NUDT5: variants seen among roughly 807,000 people sequenced by gnomAD.
NUDT5 encodes ADP-sugar pyrophosphatase.
A neutral mutation model predicts 34.1 loss-of-function variants in NUDT5; 21 were observed. That is an observed-to-expected ratio of 0.62 (90% confidence interval 0.44 to 0.89). The LOEUF is 0.89. Among genes scored for constraint, NUDT5 ranks in the 40% least tolerant of loss-of-function variants. The probability of loss-of-function intolerance (pLI) is 0.00; values close to 1 mark genes in which losing one functional copy is unlikely to be tolerated. For missense variants in NUDT5, 249 were observed against 274.8 expected, an observed-to-expected ratio of 0.91 and a Z score of 0.66; for synonymous variants, 85 against 97.6, an observed-to-expected ratio of 0.87 and a Z score of 0.76.
chr10:12,170,282 A>G lies in NUDT5; in HGVS notation c.550+435T>C. 5 of 1,259,798 alleles carry G rather than the reference A, an allele frequency of 4.0e-6. No homozygotes were observed. Among genetic ancestry groups the G allele is most frequent in the Non-Finnish European group, 5.7e-6 (5 of 870,732 alleles). 78.0% of individuals were successfully genotyped at this position (1,259,798 alleles called of 1,614,324 possible). On this transcript the variant is annotated intron_variant, in intron 9 of 9. Coordinates refer to ENST00000491614, the MANE Select transcript of NUDT5 (RefSeq NM_014142.4). This position sits in a 1 kb window ranked among gnomAD's most constrained non-coding sequence, Gnocchi z 4.9. Reference sequence around the variant, plus strand: ...CACGGAGTATACAGGAAATACCTCAAGTATTTGTTGAAGGAGCATCATCAA... The same window carrying G: ...CACGGAGTATACAGGAAATACCTCAGGTATTTGTTGAAGGAGCATCATCAA...
At chr10:12,167,888 C>T in intron 9 of NUDT5, 77 bp from the exon 10 acceptor site, 2 of 1,590,892 alleles carry the variant, frequency 1.3e-6, no homozygotes, top group South Asian at 2.3e-5. Flanking sequence ...AGTGTTTGCG[C>T]AGCAGGTACT....
In NUDT5 at chr10:12,170,874, C is replaced by T. The variant is rs560725377; in HGVS notation, c.496+26G>A. 185 of 1,613,880 alleles carry T rather than the reference C, an allele frequency of 1.1e-4. No homozygotes were observed. The highest frequency in any genetic ancestry group is 5.5e-4 in the South Asian group (50 of 91,030). ...ACCACTACACTAAGTCATACACGCT[C>T]GGCCACCAGGAGTTGCAGAACATAC... On this transcript the variant is annotated intron_variant, in intron 8 of 9. Coordinates refer to ENST00000491614, the MANE Select transcript of NUDT5 (RefSeq NM_014142.4). The surrounding 1 kb of genome is among the most constrained non-coding windows in gnomAD (Gnocchi z 4.9).
intron 3 of NUDT5, among the ~76,000 whole-genome samples, chr10:12,180,865 C>T (rs1158856875): frequency 6.6e-6 from 1 of 152,214 alleles, no homozygotes. Context: ...TGTTGGCCTT[C>T]CTCCCTCTAG....
chr10:12,192,715 G>A (rs1835254012), intron 1 of NUDT5, among the ~76,000 whole-genome samples: 1 of 152,072 alleles, frequency 6.6e-6, no homozygotes. Context: ...GCTGGGTGAG[G>A]TGGCACACGC....
At position 12,168,299 on chromosome 10, in the gene NUDT5, C is replaced by T. The variant is rs1275900009; in HGVS notation, c.551-488G>A. Among the ~76,000 whole-genome samples the T allele has an allele frequency of 6.6e-6, 1 of 152,208 alleles. No homozygotes were observed. The highest frequency in any genetic ancestry group is 1.5e-5 in the Non-Finnish European group (1 of 68,044). ...TCAGCCTCCCAAAGTGCTGGGATTA[C>T]AGGCGTGAGCTACCGCACCCAGCCA... On this transcript the variant is annotated intron_variant, in intron 9 of 9. Coordinates refer to ENST00000491614, the MANE Select transcript of NUDT5 (RefSeq NM_014142.4). This position sits in a 1 kb window ranked among gnomAD's most constrained non-coding sequence, Gnocchi z 4.8.
At position 12,173,333 on chromosome 10, in the gene NUDT5, C is replaced by T. The variant is rs192298918; in HGVS notation, c.385+385G>A. 3.0e-4 allele frequency among the ~76,000 whole-genome samples: 45 copies of T among 152,172 alleles called. No homozygotes were observed. The East Asian group carries it at 4.6e-3, about 16-fold the overall frequency. Reference sequence around the variant, plus strand: ...GTTCAATTCTCCTGCCTCAGCCTCCCGAGTAGCTGGGATCACAGGTGTGCG... The same window carrying T: ...GTTCAATTCTCCTGCCTCAGCCTCCTGAGTAGCTGGGATCACAGGTGTGCG... On this transcript the variant is annotated intron_variant, in intron 6 of 9. Coordinates refer to ENST00000491614, the MANE Select transcript of NUDT5 (RefSeq NM_014142.4). The surrounding 1 kb of genome is among the most constrained non-coding windows in gnomAD (Gnocchi z 4.7).
chr10:12,170,256 A>T lies in NUDT5; in HGVS notation c.550+461T>A. On this transcript the variant is annotated intron_variant, in intron 9 of 9. Transcript: ENST00000491614. The surrounding 1 kb of genome is among the most constrained non-coding windows in gnomAD (Gnocchi z 4.9). ...TGGTTTATTATGTGAAAAGCATATC[A>T]CACGGAGTATACAGGAAATACCTCA... 1 of 1,485,480 alleles carries T rather than the reference A, an allele frequency of 6.7e-7. No individual in the cohort carries two copies. Among genetic ancestry groups the T allele is most frequent in the Non-Finnish European group, 9.4e-7 (1 of 1,065,262 alleles). 92.0% of individuals were successfully genotyped at this position (1,485,480 alleles called of 1,614,324 possible). A position where few individuals can be genotyped will look rare whatever the true frequency, so the allele number is the denominator to read the frequency against.
Position 12,171,690 on chromosome 10 carries a change from T to A in NUDT5, c.488-782A>T, listed in dbSNP as rs1351192365. ...GCAGTTCAAAAATTAAGATTTATTT[T>A]ATTTATTTATTTATTTATTTATTTA... is the stretch of plus-strand genomic sequence containing the variant. On this transcript the variant is annotated intron_variant, in intron 7 of 9. Transcript: ENST00000491614. The surrounding 1 kb of genome is among the most constrained non-coding windows in gnomAD (Gnocchi z 4.2). Among the ~76,000 whole-genome samples, 4 of 44,868 alleles carry A rather than the reference T, an allele frequency of 8.9e-5. No homozygotes were observed. Among genetic ancestry groups the A allele is most frequent in the South Asian group, 4.6e-4 (1 of 2,166 alleles). The allele number at this position is 44,868 out of a possible 152,430, so 29.4% of individuals were successfully genotyped here. A position where few individuals can be genotyped will look rare whatever the true frequency, so the allele number is the denominator to read the frequency against.
intron 1 of NUDT5, among the ~76,000 whole-genome samples, chr10:12,191,909 G>T (rs1453774506): frequency 6.6e-6 from 1 of 152,126 alleles, no homozygotes; most frequent in African/African-American, 2.4e-5. Flanking sequence ...TCAAAAGCCT[G>T]GTTCTGCAGT....
rs530474931 is a variant in NUDT5 at position 12,194,569 on chromosome 10, A to G, written c.-42+1201T>C. ...CCTCTGCTTTGAAAATGTATTCTTT[A>G]AAGCACTGCTTCCAACTAGCCACTT... On this transcript the variant is annotated intron_variant, in intron 1 of 9. Coordinates refer to ENST00000491614, the MANE Select transcript of NUDT5 (RefSeq NM_014142.4). Among the ~76,000 whole-genome samples the G allele has an allele frequency of 5.9e-5, 9 of 152,356 alleles. No homozygotes were observed. The South Asian group carries it at 1.9e-3, about 32-fold the overall frequency.
rs141369536 is a variant in NUDT5 at position 12,171,262 on chromosome 10, A to C, written c.488-354T>G. Among the ~76,000 whole-genome samples, 143 of 152,316 alleles carry C rather than the reference A, an allele frequency of 9.4e-4. No individual in the cohort carries two copies. Among genetic ancestry groups the C allele is most frequent in the Non-Finnish European group, 1.4e-3 (96 of 68,026 alleles). ...AGGTGCACAACCACCACCAGTATCCATCTCCAGAACTTTTCATGACACCCA... is the reference window on the plus strand; with the variant it reads ...AGGTGCACAACCACCACCAGTATCCCTCTCCAGAACTTTTCATGACACCCA... On this transcript the variant is annotated intron_variant, in intron 7 of 9. Coordinates refer to ENST00000491614, the MANE Select transcript of NUDT5 (RefSeq NM_014142.4). The surrounding 1 kb of genome is among the most constrained non-coding windows in gnomAD (Gnocchi z 4.2).
chr10:12,167,875 A>G, intron 9 of NUDT5, 64 bp from the exon 10 acceptor site: 1 of 1,602,764 alleles, frequency 6.2e-7, no homozygotes, highest in Non-Finnish European at 8.5e-7. Context: ...ATCTTATTCA[A>G]TCAGTGTTTG....
At chr10:12,189,886 G>A (rs562764352) in intron 1 of NUDT5, among the ~76,000 whole-genome samples, 8 of 128,508 alleles carry the variant, frequency 6.2e-5, no homozygotes, top group Non-Finnish European at 9.6e-5. Context: ...GATGTTGAGT[G>A]TTCTACAATT....
chr10:12,195,318 G>T (rs1835316128), intron 1 of NUDT5, among the ~76,000 whole-genome samples: 1 of 152,190 alleles, frequency 6.6e-6, no homozygotes, highest in African/African-American at 2.4e-5. Context: ...CAGGAATACT[G>T]ATAAAAATCT....
At chr10:12,185,969 T>A (rs780308243) in intron 2 of NUDT5, among the ~76,000 whole-genome samples, 12 of 152,196 alleles carry the variant, frequency 7.9e-5, no homozygotes, top group Non-Finnish European at 1.3e-4. Flanking sequence ...TTCTTCTATC[T>A]AGGGAAATAC....
chr10:12,192,359 T>G (rs1227968007), intron 1 of NUDT5, among the ~76,000 whole-genome samples: 1 of 152,014 alleles, frequency 6.6e-6, no homozygotes, highest in East Asian at 1.9e-4. Context: ...GATCAATTTT[T>G]TTTGCAGTAA....
intron 1 of NUDT5, among the ~76,000 whole-genome samples, chr10:12,188,055 T>C (rs1917133): frequency 0.99 from 150,368 of 152,252 alleles, 74,292 homozygotes; most frequent in East Asian, 1. Flanking sequence ...AGGAGGGTCA[T>C]TTGGACCCAG....
intron 3 of NUDT5, 114 bp from the exon 4 acceptor site, chr10:12,179,246 T>C: frequency 1.3e-6 from 1 of 759,980 alleles, no homozygotes; most frequent in South Asian, 1.7e-5. Flanking sequence ...GTACTCATGA[T>C]ACTGGTCAAG....
chr10:12,167,934 A>G, intron 9 of NUDT5, 123 bp from the exon 10 acceptor site: 7 of 1,445,852 alleles, frequency 4.8e-6, no homozygotes, highest in South Asian at 1.4e-5. Flanking sequence ...TGCTGGTGAT[A>G]ACGTTTTTTT....
Sources: allele counts gnomAD v4.1 joint callset (sites outside exome capture counted in the v4.1 genomes callset), GRCh38; gene constraint gnomAD v4.1.1; non-coding constraint Gnocchi (gnomAD v3.1); transcripts MANE v1.5; gene names NCBI Gene and HGNC (gene_info 2026-07-23, HGNC 2026-07-21).